Variants in RB1 observed in about 807,000 individuals in gnomAD.
The protein encoded by RB1 is retinoblastoma-associated protein.
Under a neutral mutation model 135.4 loss-of-function variants are expected in RB1, and 18 were observed. That is an observed-to-expected ratio of 0.13 (90% CI 0.09 to 0.20). The LOEUF (loss-of-function observed/expected upper bound fraction) is 0.20, where lower values mean the gene tolerates loss of function less well. RB1 is among the 10% of genes least tolerant of loss of function. RB1 has a pLI of 1.00. For missense variants in RB1, 868 were observed against 1,110.0 expected, an observed-to-expected ratio of 0.78 and a Z score of 3.10; for synonymous variants, 365 against 373.2, an observed-to-expected ratio of 0.98 and a Z score of 0.25.
chr13:48,338,610 T>C (rs925947841), intron 2 of RB1, among the ~76,000 whole-genome samples: 1 of 152,228 alleles, frequency 6.6e-6, no homozygotes, highest in Non-Finnish European at 1.5e-5. Flanking sequence ...TTAGCTTCTT[T>C]ATGTTGGGTT....
chr13:48,451,007 G>C (rs937292082), intron 17 of RB1, among the ~76,000 whole-genome samples: 7 of 152,182 alleles, frequency 4.6e-5, no homozygotes, highest in African/African-American at 1.7e-4. Context: ...AGGAATGCTA[G>C]CGATTATTGC....
chr13:48,360,352 A>T (rs1378788872), intron 7 of RB1: 1 of 883,812 alleles, frequency 1.1e-6, no homozygotes, highest in African/African-American at 1.7e-5. Flanking sequence ...CAACAAATGG[A>T]GGTTTGGGAG....
At chr13:48,460,888 G>C (rs973193512) in intron 20 of RB1, among the ~76,000 whole-genome samples, 2 of 152,108 alleles carry the variant, frequency 1.3e-5, no homozygotes, top group Admixed American at 1.3e-4. Context: ...TTGAGCCCAG[G>C]AGGTGGAGGT....
intron 17 of RB1, 141 bp from the exon 18 acceptor site, chr13:48,452,852 T>C: frequency 7.9e-7 from 1 of 1,268,252 alleles, no homozygotes; most frequent in Non-Finnish European, 1.1e-6. Context: ...GAGAAAAATA[T>C]TTCATTCTGA....
At chr13:48,441,014 A>G (rs1004652579) in intron 17 of RB1, among the ~76,000 whole-genome samples, 3 of 152,216 alleles carry the variant, frequency 2.0e-5, no homozygotes, top group Admixed American at 2.0e-4. Flanking sequence ...CTTGAAATTA[A>G]TCATTAGATT....
At chr13:48,447,528 A>T (rs1198570789) in intron 17 of RB1, among the ~76,000 whole-genome samples, 1 of 152,180 alleles carries the variant, frequency 6.6e-6, no homozygotes, top group East Asian at 1.9e-4. Context: ...TAATAATATC[A>T]AATATTATAT....
At chr13:48,472,265 T>A (rs1400509255) in intron 23 of RB1, among the ~76,000 whole-genome samples, 3 of 152,202 alleles carry the variant, frequency 2.0e-5, no homozygotes, top group Non-Finnish European at 2.9e-5. Context: ...ATTTAATTAT[T>A]TAAGTAGTAC....
chr13:48,402,489 C>T (rs1175869027), intron 17 of RB1, among the ~76,000 whole-genome samples: 2 of 149,872 alleles, frequency 1.3e-5, no homozygotes, highest in African/African-American at 2.4e-5. Flanking sequence ...GTGATCCTCC[C>T]ACCTCAGCCT....
chr13:48,357,176 T>C (rs965414242), intron 6 of RB1, among the ~76,000 whole-genome samples: 10 of 151,972 alleles, frequency 6.6e-5, no homozygotes, highest in Non-Finnish European at 1.2e-4. Context: ...TTTAAAAATA[T>C]TCTATTCAGC....
chr13:48,396,524 C>A (rs1377997620), intron 17 of RB1, among the ~76,000 whole-genome samples: 3 of 151,930 alleles, frequency 2.0e-5, no homozygotes, highest in Admixed American at 2.0e-4. Context: ...TTAAACATAA[C>A]ACCTAAAACC....
At chr13:48,345,700 A>G (rs1952486790) in intron 4 of RB1, among the ~76,000 whole-genome samples, 1 of 152,170 alleles carries the variant, frequency 6.6e-6, no homozygotes, top group Non-Finnish European at 1.5e-5. Context: ...TATACTTTTC[A>G]TCAAAACTGT....
chr13:48,338,150 A>G lies in RB1; in HGVS notation c.265-4449A>G, dbSNP rs574572610. Among the ~76,000 whole-genome samples, 81 of 152,142 alleles carry G rather than the reference A, an allele frequency of 5.3e-4. 1 individual carries two copies. The South Asian group carries it at 0.011, about 20-fold the overall frequency. Reference sequence around the variant, plus strand: ...TTCAACTTTGGTGAATCTGACAATTATGTGTCCTGGAGTTGCTCTTCTCGA... The same window carrying G: ...TTCAACTTTGGTGAATCTGACAATTGTGTGTCCTGGAGTTGCTCTTCTCGA... On this transcript the variant is annotated intron_variant, in intron 2 of 26. Coordinates refer to ENST00000267163, the MANE Select transcript of RB1 (RefSeq NM_000321.3).
chr13:48,346,207 G>C (rs1300884646), intron 4 of RB1, among the ~76,000 whole-genome samples: 2 of 145,252 alleles, frequency 1.4e-5, no homozygotes, highest in Non-Finnish European at 3.0e-5. Context: ...TAAATAATTT[G>C]CATAACAAAC....
At chr13:48,322,596 T>C (rs1469329901) in intron 2 of RB1, among the ~76,000 whole-genome samples, 1 of 152,224 alleles carries the variant, frequency 6.6e-6, no homozygotes, top group Non-Finnish European at 1.5e-5. Context: ...GACATTGTTG[T>C]CTCTTCCTGG....
intron 23 of RB1, 93 bp downstream of exon 23, chr13:48,465,461 T>C: frequency 8.0e-7 from 1 of 1,249,534 alleles, no homozygotes; most frequent in East Asian, 2.5e-5. Flanking sequence ...TCATTTCAAA[T>C]AAGCTAGACT....
At chr13:48,412,509 T>A in intron 17 of RB1, 2 of 862,680 alleles carry the variant, frequency 2.3e-6, no homozygotes, top group Non-Finnish European at 4.0e-6. Context: ...CTCTATAACC[T>A]CCAATTTATT....
intron 2 of RB1, among the ~76,000 whole-genome samples, chr13:48,323,597 C>A (rs1260904304): frequency 2.6e-5 from 4 of 151,926 alleles, no homozygotes; most frequent in African/African-American, 9.7e-5. Flanking sequence ...TATTAAAGTT[C>A]ATCATCATGT....
intron 2 of RB1, among the ~76,000 whole-genome samples, chr13:48,334,736 T>A (rs1036980415): frequency 2.0e-5 from 3 of 152,188 alleles, no homozygotes; most frequent in African/African-American, 7.2e-5. Context: ...GTGGAGCTCT[T>A]TTATAAGTAA....
chr13:48,312,370 G>A (rs1952138736), intron 2 of RB1, among the ~76,000 whole-genome samples: 1 of 152,038 alleles, frequency 6.6e-6, no homozygotes, highest in Non-Finnish European at 1.5e-5. Flanking sequence ...TCTCTCATTG[G>A]AGGTTCCTTT....
Sources: allele counts gnomAD v4.1 joint callset (sites outside exome capture counted in the v4.1 genomes callset), GRCh38; gene constraint gnomAD v4.1.1; transcripts MANE v1.5; gene names NCBI Gene and HGNC (gene_info 2026-07-23, HGNC 2026-07-21).